Variants in SHISA5 observed in about 807,000 individuals in gnomAD.
SHISA5 encodes protein shisa-5.
In SHISA5, 21 loss-of-function variants were observed where a neutral mutation model predicts 27.5. That is an observed-to-expected ratio of 0.76 (90% CI 0.54 to 1.10). The LOEUF (loss-of-function observed/expected upper bound fraction) is 1.10. Among genes scored for constraint, SHISA5 ranks in the 50% least tolerant of loss-of-function variants. The pLI is 0.00. For synonymous variants in SHISA5, 137 were observed against 142.2 expected (o/e 0.96, Z 0.26); for missense variants, 314 against 336.3 (o/e 0.93, Z 0.52).
rs756707638 is a variant in SHISA5 at position 48,469,063 on chromosome 3, A to G, written c.*44T>C. The G allele has an allele frequency of 3.1e-6, 5 of 1,611,316 alleles. No individual in the cohort carries two copies. Among genetic ancestry groups the G allele is most frequent in the East Asian group, 2.2e-5 (1 of 44,892 alleles). ...CCGCGCCTGCACACCACTCACGCAC[A>G]CACACAACATAACCAAGTGGCAGCC... On this transcript the variant is annotated 3_prime_UTR_variant, in exon 6 of 6. Transcript: ENST00000296444. The surrounding 1 kb of genome is among the most constrained non-coding windows in gnomAD (Gnocchi z 4.6).
chr3:48,469,422 C>T lies in SHISA5; in HGVS notation c.582G>A (p.Gln194=), dbSNP rs1404790615. ...GCTGGGCTGGGTAAGGTGGTGGGTACTGCATTGGGTAGGGTGCTGCTGGCA... is the reference window on the plus strand; with the variant it reads ...GCTGGGCTGGGTAAGGTGGTGGGTATTGCATTGGGTAGGGTGCTGCTGGCA... ...PGMPAAPYPM[Q]YPPPYPAQPM... The change falls in exon 5 of 6, where the codon CAG becomes CAA. Residue 194 remains glutamine (Q), a synonymous_variant. Coordinates refer to ENST00000296444, the MANE Select transcript of SHISA5 (RefSeq NM_016479.6). This position sits in a 1 kb window ranked among gnomAD's most constrained non-coding sequence, Gnocchi z 4.6. The T allele has an allele frequency of 6.2e-7, 1 of 1,612,112 alleles. No individual in the cohort carries two copies. The highest frequency in any genetic ancestry group is 2.2e-5 in the East Asian group (1 of 44,870).
At position 48,470,250 on chromosome 3, in the gene SHISA5, C is replaced by T. The variant is rs2040558641; in HGVS notation, c.315-407G>A. Among the ~76,000 whole-genome samples the T allele has an allele frequency of 6.6e-6, 1 of 152,248 alleles. No individual in the cohort carries two copies. The highest frequency in any genetic ancestry group is 2.1e-4 in the South Asian group (1 of 4,834). On this transcript the variant is annotated intron_variant, in intron 3 of 5. Transcript: ENST00000296444. This position sits in a 1 kb window ranked among gnomAD's most constrained non-coding sequence, Gnocchi z 4.3. ...ACAGCCAGCCCTGGCCTCTGGGAGCCCACAGTCCAGTGTAGGAGGCAGACA... is the reference window on the plus strand; with the variant it reads ...ACAGCCAGCCCTGGCCTCTGGGAGCTCACAGTCCAGTGTAGGAGGCAGACA...
chr3:48,500,126 A>T (rs1186109402), intron 2 of SHISA5, among the ~76,000 whole-genome samples: 1 of 152,170 alleles, frequency 6.6e-6, no homozygotes, highest in Non-Finnish European at 1.5e-5. Flanking sequence ...TATCATGACA[A>T]CCATTGTGGA....
chr3:48,484,445 A>T (rs2107337669), intron 2 of SHISA5, among the ~76,000 whole-genome samples: 1 of 151,868 alleles, frequency 6.6e-6, no homozygotes, highest in African/African-American at 2.4e-5. Flanking sequence ...AAAATACAAA[A>T]ATTAGCGGGG....
At chr3:48,477,893 A>C (rs945833578) in intron 3 of SHISA5, among the ~76,000 whole-genome samples, 1 of 152,164 alleles carries the variant, frequency 6.6e-6, no homozygotes, top group Non-Finnish European at 1.5e-5. Flanking sequence ...GCCTCTGGCC[A>C]GGAAGCCGCC....
chr3:48,499,736 C>G (rs1445995397), intron 2 of SHISA5, among the ~76,000 whole-genome samples: 1 of 142,732 alleles, frequency 7.0e-6, no homozygotes, highest in Non-Finnish European at 1.5e-5. Flanking sequence ...TGGTGGTGCA[C>G]GCCTATAATC....
rs765664317 is a variant in SHISA5 at position 48,469,385 on chromosome 3, G to T, written c.619C>A (p.Pro207Thr). The change falls in exon 5 of 6, where the codon CCG (proline) becomes ACG (threonine). Residue 207 changes from proline to threonine, a missense_variant. Physicochemically the swap from Pro to Thr is conservative, Grantham distance 38. Coordinates refer to ENST00000296444, the MANE Select transcript of SHISA5 (RefSeq NM_016479.6). This position sits in a 1 kb window ranked among gnomAD's most constrained non-coding sequence, Gnocchi z 4.6. ...PPYPAQPMGP[P>T]AYHETLAGGA... Reference sequence around the variant, plus strand: ...CCAGCCAGGGTCTCGTGGTAGGCCGGTGGGCCCATGGGCTGGGCTGGGTAA... The same window carrying T: ...CCAGCCAGGGTCTCGTGGTAGGCCGTTGGGCCCATGGGCTGGGCTGGGTAA... The T allele has an allele frequency of 6.3e-7, 1 of 1,597,060 alleles. No homozygotes were observed. Among genetic ancestry groups the T allele is most frequent in the South Asian group, 1.1e-5 (1 of 89,174 alleles).
chr3:48,479,082 C>T (rs916177185), intron 3 of SHISA5, 95 bp downstream of exon 3: 109 of 1,152,962 alleles, frequency 9.5e-5, no homozygotes, highest in Middle Eastern at 5.4e-4. Context: ...CCCCAATGAC[C>T]GAATCATCCC....
intron 1 of SHISA5, chr3:48,503,762 G>T: frequency 8.1e-7 from 1 of 1,236,510 alleles, no homozygotes; most frequent in South Asian, 3.4e-5. Flanking sequence ...ATGGGCGGGA[G>T]GGCAGACCCC....
intron 3 of SHISA5, 72 bp downstream of exon 3, chr3:48,479,105 G>A: frequency 7.3e-7 from 1 of 1,376,108 alleles, no homozygotes. Flanking sequence ...TCCCCCAGAT[G>A]CACACTGGCC....
At chr3:48,496,949 G>A (rs1026492285) in intron 2 of SHISA5, among the ~76,000 whole-genome samples, 1 of 151,966 alleles carries the variant, frequency 6.6e-6, no homozygotes, top group African/African-American at 2.4e-5. Flanking sequence ...CACAGAAATG[G>A]CCAGGTGTGG....
At chr3:48,490,663 A>G (rs2041394221) in intron 2 of SHISA5, among the ~76,000 whole-genome samples, 1 of 152,198 alleles carries the variant, frequency 6.6e-6, no homozygotes, top group Non-Finnish European at 1.5e-5. Flanking sequence ...ATCATGATTT[A>G]CTTTCCAACC....
rs2040583147 is a variant in SHISA5, at chr3:48,470,831, G to A, written c.315-988C>T. Among the ~76,000 whole-genome samples, 1 of 151,954 alleles carries A rather than the reference G, an allele frequency of 6.6e-6. No homozygotes were observed. The highest frequency in any genetic ancestry group is 1.5e-5 in the Non-Finnish European group (1 of 67,958). On this transcript the variant is annotated intron_variant, in intron 3 of 5. Transcript: ENST00000296444. This position sits in a 1 kb window ranked among gnomAD's most constrained non-coding sequence, Gnocchi z 4.3. Reference sequence around the variant, plus strand: ...AATCCCAGCTACTTGGGAGGCTGAGGCAGGAGAATCGCTTGAACCCGAGAG... The same window carrying A: ...AATCCCAGCTACTTGGGAGGCTGAGACAGGAGAATCGCTTGAACCCGAGAG...
At chr3:48,502,760 G>A (rs937568751) in intron 1 of SHISA5, among the ~76,000 whole-genome samples, 12 of 152,348 alleles carry the variant, frequency 7.9e-5, no homozygotes, top group Admixed American at 7.8e-4. Flanking sequence ...CAGTAGGCAG[G>A]GGACAGGTCT....
In SHISA5 at chr3:48,468,849, T is replaced by A. The variant is rs1461464931; in HGVS notation, c.*258A>T. 4 of 1,505,920 alleles carry A rather than the reference T, an allele frequency of 2.7e-6. No individual in the cohort carries two copies. Among genetic ancestry groups the A allele is most frequent in the Middle Eastern group, 1.7e-4 (1 of 5,870 alleles). 93.3% of individuals were successfully genotyped at this position (1,505,920 alleles called of 1,614,324 possible). On this transcript the variant is annotated 3_prime_UTR_variant, in exon 6 of 6. Transcript: ENST00000296444. ...ACCACCCCATTCTTTGAGTTTGGCT[T>A]GAGATTTTAGGAAGCATAATTTCAG...
chr3:48,499,597 G>A (rs112771295), intron 2 of SHISA5, among the ~76,000 whole-genome samples: 1 of 147,450 alleles, frequency 6.8e-6, no homozygotes, highest in Non-Finnish European at 1.5e-5. Flanking sequence ...GGAGAATGGC[G>A]TGAACCTGGG....
chr3:48,475,125 T>C (rs1474673013), intron 3 of SHISA5, among the ~76,000 whole-genome samples: 1 of 152,030 alleles, frequency 6.6e-6, no homozygotes, highest in Non-Finnish European at 1.5e-5. Flanking sequence ...AATTTTTGCA[T>C]AATGTTGTGA....
At chr3:48,495,639 ACCCT>A (rs2041530238) in intron 2 of SHISA5, among the ~76,000 whole-genome samples, 1 of 146,356 alleles carries the variant, frequency 6.8e-6, no homozygotes, top group Non-Finnish European at 1.5e-5. Flanking sequence ...CTCATGCCTC[ACCCT>A]CCCAAGTGGC....
chr3:48,469,181 C>G lies in SHISA5; in HGVS notation c.649G>C (p.Ala217Pro), dbSNP rs749720746. 5.0e-6 allele frequency: 8 copies of G among 1,611,944 alleles called. No individual in the cohort carries two copies. Among genetic ancestry groups the G allele is most frequent in the Non-Finnish European group, 5.9e-6 (7 of 1,179,822 alleles). Reference protein sequence around the residue: ...PAYHETLAGGAAAPYPASQPP... With the variant: ...PAYHETLAGGPAAPYPASQPP... ...TGGCTGGCGGGGTAGGGCGCGGCTG[C>G]TCCTCCTGAAAGCAGAGAGGACCCT... The change falls in exon 6 of 6, where the codon GCA becomes CCA. Residue 217 changes from alanine (A) to proline (P), a missense_variant. Coordinates refer to ENST00000296444, the MANE Select transcript of SHISA5 (RefSeq NM_016479.6). This position sits in a 1 kb window ranked among gnomAD's most constrained non-coding sequence, Gnocchi z 4.6.
Sources: gnomAD v4.1 joint callset for allele counts (sites outside exome capture counted in the v4.1 genomes callset) on GRCh38, gnomAD v4.1.1 for gene constraint, Gnocchi (gnomAD v3.1) non-coding constraint, MANE v1.5 for transcripts, NCBI Gene and HGNC (gene_info 2026-07-23, HGNC 2026-07-21) for gene names.